Variants in CTNNBL1 observed in about 807,000 individuals in gnomAD.
CTNNBL1 encodes the protein catenin beta like 1, also known as beta-catenin-like protein 1.
In CTNNBL1, 31 loss-of-function variants were observed where a neutral mutation model predicts 72.7. That is an observed-to-expected ratio of 0.43 (90% CI 0.32 to 0.58). The LOEUF (loss-of-function observed/expected upper bound fraction) is 0.58, where lower values mean the gene tolerates loss of function less well. CTNNBL1 is among the 20% of genes least tolerant of loss of function. The probability of loss-of-function intolerance (pLI) is 0.08; values close to 1 mark genes in which losing one functional copy is unlikely to be tolerated. For missense variants in CTNNBL1, 534 were observed against 725.1 expected (o/e 0.74, Z 3.03); for synonymous variants, 240 against 267.3 (o/e 0.90, Z 1.00).
At chr20:37,754,379 CCAAAGTG>C (rs1243737128) in intron 4 of CTNNBL1, among the ~76,000 whole-genome samples, 1 of 151,252 alleles carries the variant, frequency 6.6e-6, no homozygotes, top group African/African-American at 2.4e-5. Context: ...CCTTGGCCTC[CCAAAGTG>C]CTGGGATTAT....
intron 2 of CTNNBL1, among the ~76,000 whole-genome samples, chr20:37,737,134 G>A (rs1158328406): frequency 5.3e-5 from 8 of 152,138 alleles, no homozygotes; most frequent in Non-Finnish European, 8.8e-5. Flanking sequence ...TGAGGCAGGA[G>A]AATCGCTTGA....
At chr20:37,824,300 G>A (rs2072138729) in intron 11 of CTNNBL1, among the ~76,000 whole-genome samples, 1 of 152,258 alleles carries the variant, frequency 6.6e-6, no homozygotes, top group African/African-American at 2.4e-5. Flanking sequence ...GTAATAATGG[G>A]AAAGTGTTCT....
At position 37,749,598 on chromosome 20, in the gene CTNNBL1, A is replaced by T. The variant is rs6126058; in HGVS notation, c.466+2991A>T. Among the ~76,000 whole-genome samples the T allele has an allele frequency of 2.8e-3, 431 of 152,142 alleles. 5 individuals are homozygous for T. Among genetic ancestry groups the T allele is most frequent in the East Asian group, 0.017 (90 of 5,178 alleles). On this transcript the variant is annotated intron_variant, in intron 4 of 15. Transcript: ENST00000361383. ...CCCAACTGCCCTAATGATATTTTTT[A>T]AAATCTGATGTTTAATTATGTCTTA...
At chr20:37,696,631 A>G (rs953821481) in intron 1 of CTNNBL1, among the ~76,000 whole-genome samples, 3 of 150,916 alleles carry the variant, frequency 2.0e-5, no homozygotes, top group African/African-American at 7.3e-5. Context: ...TTTAGTAGAG[A>G]TGGGGTTTCT....
At chr20:37,741,550 G>T (rs2073215978) in intron 3 of CTNNBL1, among the ~76,000 whole-genome samples, 1 of 152,192 alleles carries the variant, frequency 6.6e-6, no homozygotes, top group African/African-American at 2.4e-5. Context: ...GGTAGTACCA[G>T]GCATGCTTAT....
intron 11 of CTNNBL1, among the ~76,000 whole-genome samples, chr20:37,825,450 G>C (rs997611607): frequency 1.3e-5 from 2 of 151,810 alleles, no homozygotes; most frequent in Non-Finnish European, 2.9e-5. Context: ...CGAGGTAGGT[G>C]AATCACTTGA....
intron 11 of CTNNBL1, among the ~76,000 whole-genome samples, chr20:37,817,812 TCA>T (rs1250849169): frequency 1.3e-5 from 2 of 152,236 alleles, no homozygotes; most frequent in African/African-American, 2.4e-5. Context: ...GATATCTGCC[TCA>T]CAAGTTTATT....
intron 10 of CTNNBL1, among the ~76,000 whole-genome samples, chr20:37,793,245 C>T (rs891741107): frequency 5.9e-5 from 9 of 152,108 alleles, no homozygotes; most frequent in East Asian, 1.9e-4. Flanking sequence ...GACTGTAATT[C>T]GGGATATGTC....
rs544187981 is a variant in CTNNBL1, at chr20:37,696,618, A to G, written c.30+2466A>G. ...GCCACCACGCCTGGCTAATTTTTGTATTTTTAGTAGAGATGGGGTTTCTCC... is the reference window on the plus strand; with the variant it reads ...GCCACCACGCCTGGCTAATTTTTGTGTTTTTAGTAGAGATGGGGTTTCTCC... On this transcript the variant is annotated intron_variant, in intron 1 of 15. Transcript: ENST00000361383. 6.1e-3 allele frequency among the ~76,000 whole-genome samples: 906 copies of G among 149,348 alleles called. 11 individuals carry two copies. The highest frequency in any genetic ancestry group is 0.021 in the African/African-American group (864 of 40,668).
intron 1 of CTNNBL1, among the ~76,000 whole-genome samples, chr20:37,696,870 T>G (rs568573020): frequency 7.2e-5 from 11 of 152,314 alleles, no homozygotes; most frequent in Admixed American, 5.9e-4. Context: ...AAAAAACTTT[T>G]AAAATGTGGC....
At chr20:37,787,124 A>AT (rs556666829) in intron 10 of CTNNBL1, among the ~76,000 whole-genome samples, 126 of 129,236 alleles carry the variant, frequency 9.7e-4, no homozygotes, top group Admixed American at 2.2e-3. Context: ...TATCCTTAGC[A>AT]TTTTTTTTTT....
chr20:37,773,521 C>T (rs1319842169), intron 7 of CTNNBL1, among the ~76,000 whole-genome samples: 1 of 152,158 alleles, frequency 6.6e-6, no homozygotes, highest in Non-Finnish European at 1.5e-5. Flanking sequence ...AGTTCCAAGT[C>T]CCGCTGATTA....
intron 10 of CTNNBL1, among the ~76,000 whole-genome samples, chr20:37,790,033 A>G (rs2073709467): frequency 6.6e-6 from 1 of 152,218 alleles, no homozygotes; most frequent in Non-Finnish European, 1.5e-5. Context: ...CTGTTCCAGG[A>G]ACCACCAGTT....
intron 10 of CTNNBL1, among the ~76,000 whole-genome samples, chr20:37,792,802 G>T (rs1422867427): frequency 6.6e-6 from 1 of 152,090 alleles, no homozygotes; most frequent in Non-Finnish European, 1.5e-5. Flanking sequence ...CCCTCTAATT[G>T]CTACTTTAGC....
intron 11 of CTNNBL1, among the ~76,000 whole-genome samples, chr20:37,804,621 G>A (rs2071936593): frequency 6.6e-6 from 1 of 152,232 alleles, no homozygotes; most frequent in Non-Finnish European, 1.5e-5. Context: ...AGGGTTGCCT[G>A]TGAGCCAGGA....
At chr20:37,722,052 C>T (rs2073044731) in intron 1 of CTNNBL1, among the ~76,000 whole-genome samples, 1 of 152,166 alleles carries the variant, frequency 6.6e-6, no homozygotes, top group South Asian at 2.1e-4. Context: ...CCAATGATAA[C>T]TAATGGTTTT....
In CTNNBL1 at chr20:37,746,451, C is replaced by T; in HGVS notation, c.327-17C>T. On this transcript the variant is annotated splice_polypyrimidine_tract_variant and intron_variant, in intron 3 of 15. Transcript: ENST00000361383. ...AGTGCCCCTTTCCTTCTAATGATGT[C>T]TTGTTTTCCCTCCTAGGTTCATGGA... 1 of 1,608,320 alleles carries T rather than the reference C, an allele frequency of 6.2e-7. No individual in the cohort carries two copies. The highest frequency in any genetic ancestry group is 8.5e-7 in the Non-Finnish European group (1 of 1,176,092).
At chr20:37,731,896 C>T (rs2073132112) in intron 1 of CTNNBL1, among the ~76,000 whole-genome samples, 1 of 152,164 alleles carries the variant, frequency 6.6e-6, no homozygotes, top group South Asian at 2.1e-4. Context: ...ATCTTCTCAG[C>T]ATACTGAATT....
intron 4 of CTNNBL1, among the ~76,000 whole-genome samples, chr20:37,754,807 A>G: frequency 6.6e-6 from 1 of 151,712 alleles, no homozygotes; most frequent in Non-Finnish European, 1.5e-5. Flanking sequence ...TGACCTTTAG[A>G]TAACTTTTTT....
Sources: gnomAD v4.1 joint callset for allele counts (sites outside exome capture counted in the v4.1 genomes callset) on GRCh38, gnomAD v4.1.1 for gene constraint, MANE v1.5 for transcripts, NCBI Gene and HGNC (gene_info 2026-07-23, HGNC 2026-07-21) for gene names.